Variants in PSMA1 observed in about 807,000 individuals in gnomAD.
PSMA1 encodes proteasome subunit alpha type-1.
A neutral mutation model predicts 38.4 loss-of-function variants in PSMA1; 3 were observed. The observed-to-expected ratio is 0.08, with a 90% CI of 0.04 to 0.20. The LOEUF is 0.20. PSMA1 is among the 10% of genes least tolerant of loss of function. The pLI, the probability that PSMA1 is intolerant of heterozygous loss-of-function variation, is 1.00. For missense variants in PSMA1, 227 were observed against 325.3 expected (o/e 0.70, Z 2.32); for synonymous variants, 101 against 107.1 (o/e 0.94, Z 0.35).
chr11:14,598,428 T>A (rs1852531012), intron 2 of PSMA1, among the ~76,000 whole-genome samples: 2 of 152,172 alleles, frequency 1.3e-5, no homozygotes, highest in African/African-American at 4.8e-5. Context: ...ATTTGGGTGC[T>A]CCTGTATTGG....
Position 14,510,184 on chromosome 11 carries a change from C to G in PSMA1, c.624+688G>C, listed in dbSNP as rs140767244. Among the ~76,000 whole-genome samples, 583 of 152,208 alleles carry G rather than the reference C, an allele frequency of 3.8e-3. 4 individuals are homozygous for G. The highest frequency in any genetic ancestry group is 0.012 in the African/African-American group (518 of 41,522). On this transcript the variant is annotated intron_variant, in intron 8 of 9. Coordinates refer to ENST00000396394, the MANE Select transcript of PSMA1 (RefSeq NM_002786.4). ...TTACCTCTCTGATTTCTTCCCTTTT[C>G]CTCTTCCTCTCGATGATTGACCTCA...
At chr11:14,537,459 T>G (rs1214992830) in intron 2 of PSMA1, among the ~76,000 whole-genome samples, 1 of 151,352 alleles carries the variant, frequency 6.6e-6, no homozygotes, top group African/African-American at 2.4e-5. Flanking sequence ...GAAGAATAGA[T>G]CATATCTTTT....
At position 14,587,361 on chromosome 11, in the gene PSMA1, G is replaced by T. The variant is rs568452051; in HGVS notation, c.21+23605C>A. 2.0e-5 allele frequency among the ~76,000 whole-genome samples: 3 copies of T among 152,306 alleles called. No homozygotes were observed. The South Asian group carries it at 6.2e-4, about 32-fold the overall frequency. On this transcript the variant is annotated intron_variant, in intron 2 of 10. Transcript: ENST00000418988. The stretch of plus-strand genomic sequence containing the variant: ...CCTTCTTTCTCCCAGATCTACTCAG[G>T]CAGTTCTCCTGGTGGTTTTTGCTCC...
At chr11:14,532,553 C>A (rs1237395003) in intron 2 of PSMA1, among the ~76,000 whole-genome samples, 2 of 150,150 alleles carry the variant, frequency 1.3e-5, no homozygotes, top group South Asian at 4.2e-4. Flanking sequence ...TGCAGTGAGC[C>A]GAGATTGTGC....
At chr11:14,593,613 TGAGAGAGAGAGAGAGAGAGAGAGAGA>T (rs59225796) in intron 2 of PSMA1, among the ~76,000 whole-genome samples, 1 of 98,912 alleles carries the variant, frequency 1.0e-5, no homozygotes, top group African/African-American at 4.0e-5. Context: ...GGAGGAAAAA[TGAGAGAGAGAGAGAGAGAGAGAGAGA>T]GAGAGAGAGA....
intron 9 of PSMA1, among the ~76,000 whole-genome samples, chr11:14,507,171 T>C (rs1851256961): frequency 6.6e-6 from 1 of 151,742 alleles, no homozygotes; most frequent in South Asian, 2.1e-4. Context: ...CCTTTTTGTG[T>C]TTGTTTTTTT....
Position 14,631,760 on chromosome 11 carries a change from T to G in PSMA1, c.-166+11695A>C, listed in dbSNP as rs574891200. ...CTCATTGATGTGTCTAATGTTGACA[T>G]TGGGGTGTTAAAATCTCCCATTATT... On this transcript the variant is annotated intron_variant, in intron 1 of 10. Transcript: ENST00000418988. Among the ~76,000 whole-genome samples the G allele has an allele frequency of 2.5e-3, 386 of 152,282 alleles. 1 individual carries two copies. Among genetic ancestry groups the G allele is most frequent in the Non-Finnish European group, 3.5e-3 (237 of 68,022 alleles).
chr11:14,555,517 C>T (rs1012361258), intron 2 of PSMA1, among the ~76,000 whole-genome samples: 2 of 152,116 alleles, frequency 1.3e-5, no homozygotes, highest in African/African-American at 4.8e-5. Context: ...AAATCCAAGG[C>T]TTTTAACAAC....
chr11:14,514,976 A>C (rs1325312955), intron 4 of PSMA1, among the ~76,000 whole-genome samples: 1 of 152,224 alleles, frequency 6.6e-6, no homozygotes, highest in Non-Finnish European at 1.5e-5. Context: ...TATTCATAAG[A>C]AGCACTCTAG....
intron 2 of PSMA1, among the ~76,000 whole-genome samples, chr11:14,528,982 G>A (rs983972275): frequency 1.2e-4 from 19 of 152,040 alleles, no homozygotes; most frequent in Middle Eastern, 3.4e-3. Context: ...GACTCAGCCC[G>A]CCTGCACCCA....
At chr11:14,616,452 C>T (rs576992871) in intron 1 of PSMA1, among the ~76,000 whole-genome samples, 4 of 151,878 alleles carry the variant, frequency 2.6e-5, no homozygotes, top group African/African-American at 7.3e-5. Context: ...AGGCTGGTCT[C>T]GAACTCCTGA....
intron 2 of PSMA1, among the ~76,000 whole-genome samples, chr11:14,556,444 ATCT>A (rs1251762899): frequency 6.6e-6 from 1 of 151,948 alleles, no homozygotes; most frequent in East Asian, 1.9e-4. Context: ...AAGTTTTGGA[ATCT>A]TCTTTTTTTA....
rs373857168 is a variant in PSMA1 at position 14,513,886 on chromosome 11, C to T, written c.345G>A (p.Lys115=). Reference sequence around the variant, plus strand: ...CATATCGTTGTGTTGGTATCTGGGTCTCTTAGACTGGTTAACGAGCTTGTT... The same window carrying T: ...CATATCGTTGTGTTGGTATCTGGGTTTCTTAGACTGGTTAACGAGCTTGTT... ...VSRLVSLIGS[K]TQIPTQRYGR... The change falls in exon 6 of 10, where the codon AAG becomes AAA. Residue 115 remains lysine, a splice_region_variant and synonymous_variant. Coordinates refer to ENST00000396394, the MANE Select transcript of PSMA1 (RefSeq NM_002786.4). The T allele has an allele frequency of 6.3e-7, 1 of 1,590,812 alleles. No homozygotes were observed. Among genetic ancestry groups the T allele is most frequent in the Non-Finnish European group, 8.5e-7 (1 of 1,173,020 alleles).
At chr11:14,633,561 T>G (rs973799848) in intron 1 of PSMA1, among the ~76,000 whole-genome samples, 5 of 152,208 alleles carry the variant, frequency 3.3e-5, no homozygotes, top group African/African-American at 9.7e-5. Flanking sequence ...CAGGGACATT[T>G]AAGTCTGCAG....
chr11:14,514,258 G>A, intron 5 of PSMA1, 145 bp downstream of exon 5: 1 of 1,381,346 alleles, frequency 7.2e-7, no homozygotes, highest in African/African-American at 1.5e-5. Flanking sequence ...TGCTTATAAA[G>A]GCTAATGAAA....
chr11:14,591,942 A>G (rs145382247), intron 2 of PSMA1, among the ~76,000 whole-genome samples: 1 of 152,138 alleles, frequency 6.6e-6, no homozygotes. Flanking sequence ...CTTTAGGTCC[A>G]CGCTGCTTTT....
intron 1 of PSMA1, among the ~76,000 whole-genome samples, chr11:14,642,051 G>A (rs888799365): frequency 1.6e-4 from 24 of 152,068 alleles, no homozygotes; most frequent in African/African-American, 5.6e-4. Context: ...CCATGATCAC[G>A]TGCCAATCCT....
chr11:14,594,764 CT>C (rs1030120229), intron 2 of PSMA1, among the ~76,000 whole-genome samples: 12 of 151,952 alleles, frequency 7.9e-5, no homozygotes, highest in African/African-American at 1.7e-4. Flanking sequence ...CATAACGTTT[CT>C]TTTTTTTATT....
At position 14,629,373 on chromosome 11, in the gene PSMA1, G is replaced by A. The variant is rs978024211; in HGVS notation, c.-166+14082C>T. 2.7e-4 allele frequency among the ~76,000 whole-genome samples: 41 copies of A among 152,294 alleles called. No homozygotes were observed. The South Asian group carries it at 6.0e-3, about 22-fold the overall frequency. Reference sequence around the variant, plus strand: ...GGTGTAAGGAAGGGATCCAGTTTCAGCTTTCTACATATGGCTAGCCAGTTT... The same window carrying A: ...GGTGTAAGGAAGGGATCCAGTTTCAACTTTCTACATATGGCTAGCCAGTTT... On this transcript the variant is annotated intron_variant, in intron 1 of 10. Coordinates refer to the PSMA1 transcript ENST00000418988.
Sources: allele counts gnomAD v4.1 joint callset (sites outside exome capture counted in the v4.1 genomes callset), GRCh38; gene constraint gnomAD v4.1.1; transcripts MANE v1.5; gene names NCBI Gene and HGNC (gene_info 2026-07-23, HGNC 2026-07-21).